Variants in KCNAB1 observed in about 807,000 individuals in gnomAD.
KCNAB1 encodes potassium voltage-gated channel subfamily A regulatory beta subunit 1.
In KCNAB1, 35 loss-of-function variants were observed where a neutral mutation model predicts 64.6. That is an observed-to-expected ratio of 0.54 (90% CI 0.41 to 0.72). The LOEUF is 0.72. Among genes scored for constraint, KCNAB1 ranks in the 30% least tolerant of loss-of-function variants. The pLI is 0.00. For synonymous variants in KCNAB1, 177 were observed against 183.8 expected, an observed-to-expected ratio of 0.96 and a Z score of 0.30; for missense variants, 401 against 512.9, an observed-to-expected ratio of 0.78 and a Z score of 2.11.
At chr3:156,293,076 T>G (rs1321530392) in intron 1 of KCNAB1, among the ~76,000 whole-genome samples, 1 of 152,198 alleles carries the variant, frequency 6.6e-6, no homozygotes, top group Admixed American at 6.5e-5. Context: ...TATGTTGTTT[T>G]CCATAGTTGG....
chr3:156,260,809 A>G (rs1001848396), intron 1 of KCNAB1, among the ~76,000 whole-genome samples: 2 of 152,200 alleles, frequency 1.3e-5, no homozygotes, highest in African/African-American at 4.8e-5. Context: ...TTAAGTGTTT[A>G]AGGACTTGCC....
chr3:156,522,631 C>CA (rs1462807028), intron 11 of KCNAB1, among the ~76,000 whole-genome samples: 2 of 152,132 alleles, frequency 1.3e-5, no homozygotes, highest in Non-Finnish European at 2.9e-5. Context: ...TTCTCATCGG[C>CA]AAAATAACTC....
intron 8 of KCNAB1, among the ~76,000 whole-genome samples, chr3:156,492,745 G>A (rs1715725717): frequency 6.6e-6 from 1 of 152,046 alleles, no homozygotes; most frequent in African/African-American, 2.4e-5. Context: ...TAAGATAGTG[G>A]GTGTTGAAGG....
At chr3:156,402,892 T>C (rs1053868501) in intron 1 of KCNAB1, among the ~76,000 whole-genome samples, 3 of 152,242 alleles carry the variant, frequency 2.0e-5, no homozygotes, top group African/African-American at 7.2e-5. Flanking sequence ...TTTAATATTT[T>C]GGTAGAATTC....
rs114537332 is a variant in KCNAB1 at position 156,329,831 on chromosome 3, T to A, written c.276-91785T>A. Among the ~76,000 whole-genome samples, 884 of 152,300 alleles carry A rather than the reference T, an allele frequency of 5.8e-3. 10 individuals carry two copies. Among genetic ancestry groups the A allele is most frequent in the African/African-American group, 0.02 (848 of 41,564 alleles). Reference sequence around the variant, plus strand: ...ACAACTCTCCTTTGAATATCTTCCATTAATTCCACATTTCAAGGGAGTCCA... The same window carrying A: ...ACAACTCTCCTTTGAATATCTTCCAATAATTCCACATTTCAAGGGAGTCCA... On this transcript the variant is annotated intron_variant, in intron 1 of 13. Transcript: ENST00000490337.
At chr3:156,529,728 G>A (rs190497698) in intron 12 of KCNAB1, among the ~76,000 whole-genome samples, 1 of 152,316 alleles carries the variant, frequency 6.6e-6, no homozygotes, top group East Asian at 1.9e-4. Context: ...AGTTAAAAGG[G>A]AAAAGGGGGT....
chr3:156,167,562 T>C (rs1054535665), intron 1 of KCNAB1, among the ~76,000 whole-genome samples: 2 of 152,064 alleles, frequency 1.3e-5, no homozygotes, highest in African/African-American at 4.8e-5. Context: ...ACAACATCAA[T>C]AGAATAAAAA....
intron 1 of KCNAB1, among the ~76,000 whole-genome samples, chr3:156,408,560 A>T (rs920383336): frequency 5.9e-5 from 9 of 152,298 alleles, no homozygotes; most frequent in African/African-American, 2.2e-4. Flanking sequence ...TGGGTGGATC[A>T]CTTGAGGTCA....
chr3:156,152,232 G>T (rs187038983), intron 1 of KCNAB1, among the ~76,000 whole-genome samples: 172 of 152,308 alleles, frequency 1.1e-3, no homozygotes, highest in African/African-American at 4.0e-3. Context: ...CTGAGGGTGG[G>T]TGTTAGTGGT....
Position 156,192,647 on chromosome 3 carries a change from C to G in KCNAB1, c.275+71761C>G, listed in dbSNP as rs141703207. On this transcript the variant is annotated intron_variant, in intron 1 of 13. Transcript: ENST00000490337. ...TTGGCAATTCTATCAGTTTTTGTTT[C>G]ATGCATTTTTGACGTTCTGTTATTA... 6.9e-3 allele frequency among the ~76,000 whole-genome samples: 1,045 copies of G among 152,072 alleles called. 16 individuals are homozygous for G. The highest frequency in any genetic ancestry group is 0.024 in the African/African-American group (994 of 41,498).
chr3:156,303,735 C>A (rs1576699225), intron 1 of KCNAB1, among the ~76,000 whole-genome samples: 1 of 152,112 alleles, frequency 6.6e-6, no homozygotes, highest in East Asian at 1.9e-4. Flanking sequence ...ACATCAAGCC[C>A]CTCTAGTACT....
At chr3:156,429,695 G>C (rs1042244205) in intron 2 of KCNAB1, among the ~76,000 whole-genome samples, 4 of 152,112 alleles carry the variant, frequency 2.6e-5, no homozygotes, top group African/African-American at 4.8e-5. Context: ...TCCCATTCTT[G>C]TTGTTTAGGC....
Position 156,457,481 on chromosome 3 carries a change from A to G in KCNAB1, c.386A>G (p.Tyr129Cys), listed in dbSNP as rs765185391. The part of the protein sequence containing the change: ...EVAERLMTIA[Y>C]ESGVNLFDTA... Reference sequence around the variant, plus strand: ...GCTGAACGGCTGATGACCATCGCCTATGAAAGTGGTGTTAACCTCTTTGAT... The same window carrying G: ...GCTGAACGGCTGATGACCATCGCCTGTGAAAGTGGTGTTAACCTCTTTGAT... The change falls in exon 4 of 14, where the codon TAT (tyrosine) becomes TGT (cysteine). Residue 129 changes from tyrosine to cysteine, a missense_variant. Physicochemically the swap from Tyr to Cys is radical, Grantham distance 194. Transcript: ENST00000490337. The G allele has an allele frequency of 1.9e-6, 3 of 1,613,966 alleles. No homozygotes were observed. Among genetic ancestry groups the G allele is most frequent in the East Asian group, 2.2e-5 (1 of 44,876 alleles).
At chr3:156,506,516 G>A (rs1716846596) in intron 8 of KCNAB1, among the ~76,000 whole-genome samples, 1 of 152,222 alleles carries the variant, frequency 6.6e-6, no homozygotes, top group African/African-American at 2.4e-5. Context: ...TGGCAGAGAG[G>A]AGAGGTTGAG....
intron 1 of KCNAB1, among the ~76,000 whole-genome samples, chr3:156,197,920 G>A (rs1714061813): frequency 6.6e-6 from 1 of 152,098 alleles, no homozygotes; most frequent in Non-Finnish European, 1.5e-5. Flanking sequence ...TCTGATCTGG[G>A]CATTTAGTGC....
At chr3:156,160,097 C>T (rs1053976580) in intron 1 of KCNAB1, among the ~76,000 whole-genome samples, 1 of 152,164 alleles carries the variant, frequency 6.6e-6, no homozygotes, top group Non-Finnish European at 1.5e-5. Flanking sequence ...AAATCATTCA[C>T]AGGGTTGGAT....
intron 1 of KCNAB1, among the ~76,000 whole-genome samples, chr3:156,395,695 A>G (rs570746170): frequency 2.0e-5 from 3 of 152,162 alleles, no homozygotes; most frequent in African/African-American, 7.2e-5. Context: ...TCCTAAGGGA[A>G]CAATGGATTC....
intron 8 of KCNAB1, among the ~76,000 whole-genome samples, chr3:156,486,993 T>C (rs16826315): frequency 0.071 from 10,874 of 152,118 alleles, 737 homozygotes; most frequent in African/African-American, 0.18. Flanking sequence ...GTAGGAGATT[T>C]AAAAAAATTA....
chr3:156,410,893 T>A (rs1714601608), intron 1 of KCNAB1, among the ~76,000 whole-genome samples: 2 of 152,244 alleles, frequency 1.3e-5, no homozygotes, highest in Admixed American at 1.3e-4. Flanking sequence ...TGAATAAAGC[T>A]GCTATGAATA....
Sources: allele counts gnomAD v4.1 joint callset (sites outside exome capture counted in the v4.1 genomes callset), GRCh38; gene constraint gnomAD v4.1.1; transcripts MANE v1.5; gene names NCBI Gene and HGNC (gene_info 2026-07-23, HGNC 2026-07-21).